The following MORN1 variants were observed in gnomAD, a reference collection of about 807,000 sequenced individuals.
MORN1 encodes MORN repeat-containing protein 1.
MORN1 carries 67 observed loss-of-function variants against 61.9 expected under a neutral mutation model. That is an observed-to-expected ratio of 1.08 (90% CI 0.89 to 1.33). The LOEUF (loss-of-function observed/expected upper bound fraction) is 1.33. Ranked by LOEUF, MORN1 falls within the 40% of genes most tolerant of loss-of-function variation. The pLI, the probability that MORN1 is intolerant of heterozygous loss-of-function variation, is 0.00. For missense variants in MORN1, 752 were observed against 691.2 expected (o/e 1.09, Z -0.99); for synonymous variants, 301 against 292.0 (o/e 1.03, Z -0.31).
chr1:2,324,080 G>C lies in MORN1; in HGVS notation c.1297+17C>G. 6.3e-7 allele frequency: 1 copy of C among 1,591,392 alleles called. No homozygotes were observed. The highest frequency in any genetic ancestry group is 8.5e-7 in the Non-Finnish European group (1 of 1,170,926). On this transcript the variant is annotated intron_variant, in intron 13 of 13. Coordinates refer to ENST00000378531, the MANE Select transcript of MORN1 (RefSeq NM_024848.3). ...CAGTGGCACAGCCGGCGATGGACTT[G>C]GGCCCTGTCCACCTACCTAGGTGTG... is the stretch of plus-strand genomic sequence containing the variant.
chr1:2,369,901 T>C (rs1570010692), intron 8 of MORN1, among the ~76,000 whole-genome samples: 1 of 152,220 alleles, frequency 6.6e-6, no homozygotes, highest in East Asian at 1.9e-4. Flanking sequence ...TAAGATTTCA[T>C]CTGGACATTC....
chr1:2,337,157 C>G lies in MORN1; in HGVS notation c.1037-307G>C, dbSNP rs943369671. Reference sequence around the variant, plus strand: ...GTGGGAAGGGTCTCCCATCAGCAGCCCCCGTCAGCCGAGGCACTCGCTTCC... The same window carrying G: ...GTGGGAAGGGTCTCCCATCAGCAGCGCCCGTCAGCCGAGGCACTCGCTTCC... On this transcript the variant is annotated intron_variant, in intron 10 of 13. Transcript: ENST00000378531. The surrounding 1 kb of genome is among the most constrained non-coding windows in gnomAD (Gnocchi z 5.7). 6.6e-6 allele frequency among the ~76,000 whole-genome samples: 1 copy of G among 152,158 alleles called. No homozygotes were observed. The highest frequency in any genetic ancestry group is 2.1e-4 in the South Asian group (1 of 4,834).
In MORN1 at chr1:2,385,436, C is replaced by T. The variant is rs370459591; in HGVS notation, c.449+371G>A. The T allele has an allele frequency of 6.9e-4, 250 of 361,760 alleles. 6 individuals carry two copies. The East Asian group carries it at 9.0e-3, about 13-fold the overall frequency. 22.4% of individuals were successfully genotyped at this position (361,760 alleles called of 1,614,324 possible). A position where few individuals can be genotyped will look rare whatever the true frequency, so the allele number is the denominator to read the frequency against. On this transcript the variant is annotated intron_variant, in intron 5 of 13. Coordinates refer to ENST00000378531, the MANE Select transcript of MORN1 (RefSeq NM_024848.3). ...CTGAAGATGCCTAGCACTTGGGAGG[C>T]GGAGGCGGGAGGCTCTGCTGGCCGG... is the stretch of plus-strand genomic sequence containing the variant.
rs1641298441 is a variant in MORN1, at chr1:2,337,150, C to T, written c.1037-300G>A. Among the ~76,000 whole-genome samples the T allele has an allele frequency of 1.3e-5, 2 of 152,174 alleles. No individual in the cohort carries two copies. Among genetic ancestry groups the T allele is most frequent in the African/African-American group, 4.8e-5 (2 of 41,430 alleles). On this transcript the variant is annotated intron_variant, in intron 10 of 13. Transcript: ENST00000378531. This position sits in a 1 kb window ranked among gnomAD's most constrained non-coding sequence, Gnocchi z 5.7. ...CTTTGCAGTGGGAAGGGTCTCCCAT[C>T]AGCAGCCCCCGTCAGCCGAGGCACT...
chr1:2,385,947 C>T (rs1642487912), intron 4 of MORN1, 50 bp from the exon 5 acceptor site: 1 of 1,511,842 alleles, frequency 6.6e-7, no homozygotes. Flanking sequence ...CCTCCTGCAT[C>T]TGAGAAGGGA....
intron 8 of MORN1, among the ~76,000 whole-genome samples, chr1:2,362,375 A>G (rs568793332): frequency 6.6e-6 from 1 of 152,246 alleles, no homozygotes; most frequent in Non-Finnish European, 1.5e-5. Context: ...TGGCCAAGGC[A>G]GAGGAAAACC....
chr1:2,326,492 G>A (rs2645093), intron 12 of MORN1: 35,207 of 152,164 alleles, frequency 0.23, 4,648 homozygotes, highest in East Asian at 0.5. Flanking sequence ...TGCAGGCATC[G>A]GTGCCCCACA....
chr1:2,374,501 C>T lies in MORN1; in HGVS notation c.594G>A (p.Gly198=). Residue 198 remains glycine, a synonymous_variant, in exon 7 of 14, where the codon GGG becomes GGA. Transcript: ENST00000378531. The part of the protein sequence containing the change: ...SGLGSMAHCS[G]VTYYGLWING... ...TGATCCACAACCCATAATAGGTGACCCCTGAGCAGTGGGCCATGCTGCCCA... is the reference window on the plus strand; with the variant it reads ...TGATCCACAACCCATAATAGGTGACTCCTGAGCAGTGGGCCATGCTGCCCA... 6.2e-7 allele frequency: 1 copy of T among 1,603,978 alleles called. No homozygotes were observed. The highest frequency in any genetic ancestry group is 8.5e-7 in the Non-Finnish European group (1 of 1,175,946).
At chr1:2,388,067 C>T (rs796594131) in intron 3 of MORN1, 172 bp downstream of exon 3, 12 of 573,908 alleles carry the variant, frequency 2.1e-5, no homozygotes, top group African/African-American at 3.8e-5. Flanking sequence ...TTGCTCTCAG[C>T]GGTGACCACA....
intron 5 of MORN1, 33 bp from the exon 6 acceptor site, chr1:2,385,098 CAG>C (rs1642462502): frequency 6.4e-7 from 1 of 1,558,692 alleles, no homozygotes; most frequent in African/African-American, 1.4e-5. Context: ...CCACTCTCAA[CAG>C]GGGGAGCCGG....
intron 8 of MORN1, among the ~76,000 whole-genome samples, chr1:2,367,027 GA>G (rs1426614700): frequency 6.6e-6 from 1 of 151,564 alleles, no homozygotes. Flanking sequence ...AAAATACGTA[GA>G]AAAACAATAA....
chr1:2,357,461 C>T lies in MORN1; in HGVS notation c.1007G>A (p.Gly336Asp). 1 of 1,611,386 alleles carries T rather than the reference C, an allele frequency of 6.2e-7. No homozygotes were observed. The highest frequency in any genetic ancestry group is 8.5e-7 in the Non-Finnish European group (1 of 1,178,980). The change falls in exon 10 of 14, where the codon GGC (glycine) becomes GAC (aspartate). Residue 336 changes from glycine (G) to aspartate (D), a missense_variant. Gly to Asp is a moderately conservative substitution (Grantham distance 94, BLOSUM62 -1). Coordinates refer to ENST00000378531, the MANE Select transcript of MORN1 (RefSeq NM_024848.3). The surrounding 1 kb of genome is among the most constrained non-coding windows in gnomAD (Gnocchi z 6.3). ...DLELHLGALH[G>D]QEDTPGGLLA... ...CAGGCCACCAGGGGTGTCCTCCTGG[C>T]CATGGAGGGCACCCAAATGCAGCTC... is the stretch of plus-strand genomic sequence containing the variant.
chr1:2,379,798 G>A (rs1642329741), intron 6 of MORN1, among the ~76,000 whole-genome samples: 1 of 152,246 alleles, frequency 6.6e-6, no homozygotes, highest in Non-Finnish European at 1.5e-5. Context: ...GGGCAGGAAG[G>A]TAAAAGGGTG....
rs769404904 is a variant in MORN1, at chr1:2,374,462, T to C, written c.633A>G (p.Ala211=). 5 of 1,586,342 alleles carry C rather than the reference T, an allele frequency of 3.2e-6. No individual in the cohort carries two copies. In the South Asian group the frequency reaches 4.6e-5, roughly 15 times the overall value. Residue 211 remains alanine (A), a splice_region_variant and synonymous_variant, in exon 7 of 14, where the codon GCA becomes GCG. Coordinates refer to ENST00000378531, the MANE Select transcript of MORN1 (RefSeq NM_024848.3). ...CCACAGGAAGGCAGGGACACCTACC[T>C]GCTGGGTGGCCATTGATCCACAACC... The part of the protein sequence containing the change: ...YYGLWINGHP[A]EQATRIVILG...
chr1:2,342,867 A>ATTTTATTTATTTTAT (rs370414567), intron 10 of MORN1, among the ~76,000 whole-genome samples: 178 of 101,112 alleles, frequency 1.8e-3, no homozygotes, highest in South Asian at 5.5e-3. Flanking sequence ...ATTTTATTTT[A>ATTTTATTTATTTTAT]TTTATTTTAT....
At chr1:2,336,328 G>A (rs1641275421) in intron 12 of MORN1, 141 bp downstream of exon 12, 2 of 776,760 alleles carry the variant, frequency 2.6e-6, no homozygotes, top group South Asian at 2.1e-5. Context: ...GGGGCTCTCT[G>A]GAGCGAGGCC....
Position 2,357,472 on chromosome 1 carries a change from AC to A in MORN1, c.995del (p.Gly332ValfsTer101). The stretch of plus-strand genomic sequence containing the variant: ...GGGTGTCCTCCTGGCCATGGAGGGC[AC>A]CCAAATGCAGCTCCAGGTCTCCCCT... ...LPRGDLELHLGALHGQEDTPG... is the reference protein window; with the variant it reads ...LPRGDLELHLXALHGQEDTPG... On this transcript the variant is annotated frameshift_variant, in exon 10 of 14. Coordinates refer to ENST00000378531, the MANE Select transcript of MORN1 (RefSeq NM_024848.3). LOFTEE classifies it high-confidence loss of function. This position sits in a 1 kb window ranked among gnomAD's most constrained non-coding sequence, Gnocchi z 6.3. The A allele has an allele frequency of 6.2e-7, 1 of 1,611,460 alleles. No individual in the cohort carries two copies.
At position 2,391,447 on chromosome 1, in the gene MORN1, G is replaced by T. The variant is rs1170697248; in HGVS notation, c.76+11C>A. The T allele has an allele frequency of 1.6e-6, 2 of 1,256,512 alleles. No homozygotes were observed. The highest frequency in any genetic ancestry group is 2.2e-4 in the Middle Eastern group (1 of 4,544). 77.8% of individuals were successfully genotyped at this position (1,256,512 alleles called of 1,614,324 possible). ...CAGCCAGCGACCTGTCCCGTGGCCC[G>T]CAGTCGTTACCGTTCCGGGGCGGCC... On this transcript the variant is annotated intron_variant, in intron 1 of 13. Transcript: ENST00000378531.
At chr1:2,339,271 TC>T (rs986707464) in intron 10 of MORN1, among the ~76,000 whole-genome samples, 9 of 152,128 alleles carry the variant, frequency 5.9e-5, no homozygotes, top group Admixed American at 2.0e-4. Flanking sequence ...GGATGTCACC[TC>T]CCCCTCCCTC....
Sources: gnomAD v4.1 joint callset for allele counts (sites outside exome capture counted in the v4.1 genomes callset) on GRCh38, gnomAD v4.1.1 for gene constraint, Gnocchi (gnomAD v3.1) non-coding constraint, MANE v1.5 for transcripts, NCBI Gene and HGNC (gene_info 2026-07-23, HGNC 2026-07-21) for gene names.